The following CDH2 variants were observed in gnomAD, a reference collection of about 807,000 sequenced individuals.
CDH2 encodes cadherin 2, also known as cadherin-2.
In CDH2, 17 loss-of-function variants were observed where a neutral mutation model predicts 92.0. The observed-to-expected ratio is 0.18, with a 90% CI of 0.13 to 0.28. CDH2 has a LOEUF of 0.28. Among genes scored for constraint, CDH2 ranks in the 10% least tolerant of loss-of-function variants. The probability of loss-of-function intolerance (pLI) is 1.00; values close to 1 mark genes in which losing one functional copy is unlikely to be tolerated. For synonymous variants in CDH2, 419 were observed against 415.9 expected, an observed-to-expected ratio of 1.01 and a Z score of -0.09; for missense variants, 862 against 1,133.1, an observed-to-expected ratio of 0.76 and a Z score of 3.44.
At chr18:27,956,185 C>G (rs569510208) in intron 15 of CDH2, among the ~76,000 whole-genome samples, 2 of 152,280 alleles carry the variant, frequency 1.3e-5, no homozygotes, top group South Asian at 2.1e-4. Context: ...CATTATTTCA[C>G]AGGATGTACT....
chr18:28,162,241 T>C (rs948370978), intron 1 of CDH2, among the ~76,000 whole-genome samples: 4 of 152,194 alleles, frequency 2.6e-5, no homozygotes, highest in African/African-American at 7.2e-5. Context: ...AATAACATTG[T>C]TGAAGTGCCA....
At chr18:27,956,366 CT>C (rs1257837339) in intron 15 of CDH2, among the ~76,000 whole-genome samples, 1 of 152,166 alleles carries the variant, frequency 6.6e-6, no homozygotes, top group Non-Finnish European at 1.5e-5. Flanking sequence ...TTGGCTCTGG[CT>C]GAATTCTTGC....
chr18:28,000,231 T>C lies in CDH2; in HGVS notation c.1020+2766A>G, dbSNP rs17493590. ...TGATTCTCCCGCTCAGCCTCCCAAG[T>C]GGCTGGGACTACAGGTGCACACCAC... On this transcript the variant is annotated intron_variant, in intron 7 of 15. Transcript: ENST00000269141. Among the ~76,000 whole-genome samples the C allele has an allele frequency of 6.3e-3, 955 of 152,170 alleles. 9 individuals are homozygous for C. Among genetic ancestry groups the C allele is most frequent in the African/African-American group, 0.021 (881 of 41,518 alleles).
chr18:27,955,634 C>T (rs2011226065), intron 15 of CDH2, among the ~76,000 whole-genome samples: 1 of 151,834 alleles, frequency 6.6e-6, no homozygotes, highest in African/African-American at 2.4e-5. Flanking sequence ...AAATATAATG[C>T]TTGTGATAAT....
At chr18:27,975,097 G>A (rs1031280360) in intron 14 of CDH2, among the ~76,000 whole-genome samples, 7 of 152,180 alleles carry the variant, frequency 4.6e-5, no homozygotes, top group Non-Finnish European at 7.3e-5. Context: ...GTCCTGGAAT[G>A]GGAAACCTAT....
chr18:28,092,764 A>G (rs2015059987), intron 2 of CDH2, among the ~76,000 whole-genome samples: 1 of 152,202 alleles, frequency 6.6e-6, no homozygotes, highest in South Asian at 2.1e-4. Context: ...AAAATAAATG[A>G]GATTATAGGA....
At chr18:28,042,124 T>C (rs966300781) in intron 2 of CDH2, among the ~76,000 whole-genome samples, 12 of 152,176 alleles carry the variant, frequency 7.9e-5, no homozygotes, top group African/African-American at 2.9e-4. Flanking sequence ...TTTTTTCTAT[T>C]TTACTAGTAC....
chr18:28,046,408 T>C (rs1045854668), intron 2 of CDH2, among the ~76,000 whole-genome samples: 1 of 152,184 alleles, frequency 6.6e-6, no homozygotes, highest in African/African-American at 2.4e-5. Flanking sequence ...ATGTTGATAG[T>C]TATGCTATAA....
chr18:27,958,910 C>T (rs1250715529), intron 15 of CDH2, among the ~76,000 whole-genome samples: 1 of 152,164 alleles, frequency 6.6e-6, no homozygotes, highest in Admixed American at 6.5e-5. Context: ...ATGTGTTTGC[C>T]TTCCCTTCTG....
At chr18:28,081,781 G>A (rs12373213) in intron 2 of CDH2, among the ~76,000 whole-genome samples, 3,249 of 152,228 alleles carry the variant, frequency 0.021, 56 homozygotes, top group Non-Finnish European at 0.032. Context: ...ATGGTTTAAC[G>A]GTTAGCCCAG....
chr18:27,934,103 A>G (rs1047567991), intron 6 of CDH2, among the ~76,000 whole-genome samples: 4 of 152,244 alleles, frequency 2.6e-5, no homozygotes, highest in African/African-American at 9.6e-5. Context: ...AGGATAAAAT[A>G]CACCAAATAC....
chr18:28,175,894 T>G (rs1292399000), intron 1 of CDH2, among the ~76,000 whole-genome samples: 1 of 152,102 alleles, frequency 6.6e-6, no homozygotes, highest in African/African-American at 2.4e-5. Context: ...GGAGACCGAC[T>G]TGGGACCAGG....
intron 11 of CDH2, 118 bp downstream of exon 11, chr18:27,988,406 G>A: frequency 1.2e-6 from 1 of 809,304 alleles, no homozygotes; most frequent in Non-Finnish European, 2.0e-6. Context: ...CTGGACCTCG[G>A]AATTATAAAA....
At chr18:28,148,458 C>T (rs975555025) in intron 1 of CDH2, among the ~76,000 whole-genome samples, 3 of 152,170 alleles carry the variant, frequency 2.0e-5, no homozygotes, top group African/African-American at 7.2e-5. Context: ...AGTTAATTTA[C>T]TCAGTGTGCT....
At chr18:28,132,918 T>A (rs1288162246) in intron 2 of CDH2, among the ~76,000 whole-genome samples, 1 of 152,164 alleles carries the variant, frequency 6.6e-6, no homozygotes, top group Non-Finnish European at 1.5e-5. Context: ...AACTCAAGCA[T>A]CCTCAAGACT....
chr18:27,980,127 A>C (rs1041954279), intron 14 of CDH2, among the ~76,000 whole-genome samples: 1 of 152,182 alleles, frequency 6.6e-6, no homozygotes, highest in African/African-American at 2.4e-5. Flanking sequence ...GGAAGACAGA[A>C]CTCTGCCTTT....
At chr18:28,131,999 A>G in intron 2 of CDH2, among the ~76,000 whole-genome samples, 1 of 152,216 alleles carries the variant, frequency 6.6e-6, no homozygotes, top group East Asian at 1.9e-4. Flanking sequence ...GGCAAATGTG[A>G]CAAGGTCCCT....
At chr18:27,972,314 T>G (rs906963807) in intron 14 of CDH2, among the ~76,000 whole-genome samples, 1 of 152,212 alleles carries the variant, frequency 6.6e-6, no homozygotes. Flanking sequence ...GCTGTGGCTA[T>G]GAGCCTAGCC....
At chr18:28,049,236 G>T (rs575471200) in intron 2 of CDH2, among the ~76,000 whole-genome samples, 58 of 152,276 alleles carry the variant, frequency 3.8e-4, no homozygotes, top group Non-Finnish European at 7.6e-4. Context: ...AATCCAACCA[G>T]CAAAGGTGAG....
Sources: gnomAD v4.1 joint callset for allele counts (sites outside exome capture counted in the v4.1 genomes callset) on GRCh38, gnomAD v4.1.1 for gene constraint, MANE v1.5 for transcripts, NCBI Gene and HGNC (gene_info 2026-07-23, HGNC 2026-07-21) for gene names.